The following GHR variants were observed in gnomAD, a reference collection of about 807,000 sequenced individuals.
GHR encodes the protein GH receptor.
In GHR, 35 loss-of-function variants were observed where a neutral mutation model predicts 67.1. The observed-to-expected ratio is 0.52, with a 90% confidence interval of 0.40 to 0.69. The LOEUF is 0.69. Among genes scored for constraint, GHR ranks in the 30% least tolerant of loss-of-function variants. GHR has a pLI of 0.00. For missense variants in GHR, 792 were observed against 764.6 expected, an observed-to-expected ratio of 1.04 and a Z score of -0.42; for synonymous variants, 272 against 269.1, an observed-to-expected ratio of 1.01 and a Z score of -0.10.
intron 3 of GHR, among the ~76,000 whole-genome samples, chr5:42,671,322 C>G (rs1756283221): frequency 6.6e-6 from 1 of 151,938 alleles, no homozygotes; most frequent in African/African-American, 2.4e-5. Flanking sequence ...AGGTGCCACA[C>G]ACTTAAACAA....
intron 3 of GHR, among the ~76,000 whole-genome samples, chr5:42,660,269 C>T (rs1199770222): frequency 6.6e-6 from 1 of 152,200 alleles, no homozygotes; most frequent in Non-Finnish European, 1.5e-5. Flanking sequence ...GTTCTCCCAG[C>T]ATGCAGCTGG....
intron 1 of GHR, among the ~76,000 whole-genome samples, chr5:42,535,822 A>G (rs1287967841): frequency 6.6e-6 from 1 of 152,028 alleles, no homozygotes; most frequent in African/African-American, 2.4e-5. Flanking sequence ...TTGGTCATCT[A>G]CGATTTCTTT....
At chr5:42,600,354 G>A (rs1013186514) in intron 2 of GHR, among the ~76,000 whole-genome samples, 1 of 152,186 alleles carries the variant, frequency 6.6e-6, no homozygotes, top group African/African-American at 2.4e-5. Flanking sequence ...TGCAAAGCAG[G>A]CCCAGTGCCA....
chr5:42,654,560 A>C (rs1175324003), intron 3 of GHR, among the ~76,000 whole-genome samples: 2 of 152,126 alleles, frequency 1.3e-5, no homozygotes, highest in Admixed American at 6.5e-5. Context: ...CCTTAGGCCA[A>C]TAGCAGAGCC....
intron 1 of GHR, among the ~76,000 whole-genome samples, chr5:42,545,439 C>T (rs1748694790): frequency 6.6e-6 from 1 of 151,796 alleles, no homozygotes; most frequent in South Asian, 2.1e-4. Flanking sequence ...TTGTTAGAGA[C>T]AAAAAAGGAA....
intron 1 of GHR, among the ~76,000 whole-genome samples, chr5:42,473,709 T>A (rs1745109281): frequency 6.6e-6 from 1 of 151,610 alleles, no homozygotes; most frequent in South Asian, 2.1e-4. Flanking sequence ...AAACCCCGTC[T>A]CTACTACAAA....
intron 3 of GHR, among the ~76,000 whole-genome samples, chr5:42,655,742 C>T (rs552102418): frequency 5.7e-4 from 87 of 151,548 alleles, no homozygotes; most frequent in African/African-American, 2.1e-3. Context: ...CGAAATGAGA[C>T]ACTGTCTCAT....
intron 1 of GHR, among the ~76,000 whole-genome samples, chr5:42,556,198 G>A (rs1050079522): frequency 6.1e-4 from 93 of 152,166 alleles, no homozygotes; most frequent in African/African-American, 2.2e-3. Flanking sequence ...GAAAACCTAC[G>A]CTTCTGTTAA....
chr5:42,607,657 G>C (rs1195433332), intron 2 of GHR, among the ~76,000 whole-genome samples: 1 of 152,158 alleles, frequency 6.6e-6, no homozygotes, highest in Non-Finnish European at 1.5e-5. Flanking sequence ...AGACAAGAGT[G>C]GTCAGGAAGG....
At chr5:42,547,974 G>A (rs116004619) in intron 1 of GHR, 12,194 of 453,322 alleles carry the variant, frequency 0.027, 224 homozygotes, top group Middle Eastern at 0.059. Flanking sequence ...GAAAGGACCA[G>A]ATTCAGATAC....
intron 2 of GHR, among the ~76,000 whole-genome samples, chr5:42,599,837 G>A (rs1192171841): frequency 6.6e-6 from 1 of 152,186 alleles, no homozygotes; most frequent in Non-Finnish European, 1.5e-5. Context: ...CTAGACTTAA[G>A]TAGCTGCTGC....
chr5:42,550,040 C>T (rs971403418), intron 1 of GHR: 26 of 906,130 alleles, frequency 2.9e-5, no homozygotes, highest in South Asian at 5.1e-5. Context: ...ACCTTGTGCC[C>T]GCACTTGTTA....
chr5:42,480,608 T>A (rs1372696694), intron 1 of GHR, among the ~76,000 whole-genome samples: 1 of 152,250 alleles, frequency 6.6e-6, no homozygotes, highest in Non-Finnish European at 1.5e-5. Context: ...TAGTTAGCTC[T>A]TCTTGTTGAA....
At chr5:42,490,493 A>G (rs1470290550) in intron 1 of GHR, among the ~76,000 whole-genome samples, 7 of 152,364 alleles carry the variant, frequency 4.6e-5, no homozygotes, top group African/African-American at 1.7e-4. Flanking sequence ...ATGAAAGATC[A>G]GCATGATATT....
intron 1 of GHR, among the ~76,000 whole-genome samples, chr5:42,538,546 T>G (rs981160358): frequency 6.6e-6 from 1 of 152,222 alleles, no homozygotes; most frequent in Admixed American, 6.5e-5. Flanking sequence ...AGAAATCTGC[T>G]GCTAATCTGA....
chr5:42,510,068 C>T (rs1746946431), intron 1 of GHR, among the ~76,000 whole-genome samples: 1 of 152,204 alleles, frequency 6.6e-6, no homozygotes, highest in African/African-American at 2.4e-5. Flanking sequence ...CTAACTGCCT[C>T]ATCCGTCAGT....
intron 1 of GHR, among the ~76,000 whole-genome samples, chr5:42,483,451 A>C (rs1473230571): frequency 2.0e-5 from 3 of 151,774 alleles, no homozygotes; most frequent in Non-Finnish European, 4.4e-5. Flanking sequence ...TGGTGAGTTT[A>C]TGATTCTATG....
At chr5:42,576,098 A>ATAAAATAAAATAAAAT (rs1750683674) in intron 2 of GHR, among the ~76,000 whole-genome samples, 1 of 79,918 alleles carries the variant, frequency 1.3e-5, no homozygotes, top group East Asian at 4.5e-4. Flanking sequence ...ATAAAATAAA[A>ATAAAATAAAATAAAAT]TAAATAAAAT....
chr5:42,531,831 C>T (rs553014209), intron 1 of GHR, among the ~76,000 whole-genome samples: 16 of 152,186 alleles, frequency 1.1e-4, no homozygotes, highest in Middle Eastern at 3.4e-3. Context: ...CTCCATGGTA[C>T]GGCTCACCAA....
Sources: gnomAD v4.1 joint callset for allele counts (sites outside exome capture counted in the v4.1 genomes callset) on GRCh38, gnomAD v4.1.1 for gene constraint, MANE v1.5 for transcripts, NCBI Gene and HGNC (gene_info 2026-07-23, HGNC 2026-07-21) for gene names.